The following PLD5 variants were observed in gnomAD, a reference collection of about 807,000 sequenced individuals.
The protein encoded by PLD5 is phospholipase D family member 5, also known as inactive phospholipase D5.
PLD5 carries 36 observed loss-of-function variants against 61.1 expected under a neutral mutation model. The observed-to-expected ratio is 0.59, with a 90% confidence interval of 0.45 to 0.78. The LOEUF (loss-of-function observed/expected upper bound fraction) is 0.78. Among genes scored for constraint, PLD5 ranks in the 30% least tolerant of loss-of-function variants. PLD5 has a pLI of 0.00. For synonymous variants in PLD5, 243 were observed against 242.8 expected (o/e 1.00, Z -0.01); for missense variants, 515 against 644.4 (o/e 0.80, Z 2.17).
intron 1 of PLD5, among the ~76,000 whole-genome samples, chr1:242,394,252 ATATATATGAG>A (rs1663218389): frequency 1.0e-5 from 1 of 96,352 alleles, no homozygotes; most frequent in African/African-American, 4.6e-5. Flanking sequence ...ATATATGTGT[ATATATATGAG>A]TATGAGTATA....
Position 242,515,199 on chromosome 1 carries a change from CGTGT to C in PLD5, c.189+8885_189+8888del, listed in dbSNP as rs139035471. 1.7e-4 allele frequency among the ~76,000 whole-genome samples: 25 copies of C among 149,132 alleles called. No homozygotes were observed. The Middle Eastern group carries it at 0.01, about 63-fold the overall frequency. The stretch of plus-strand genomic sequence containing the variant: ...TGCTTCAGCTTTGCCTTTGTGTGTG[CGTGT>C]GTGTGTGTGTGTGTGTGAGAGAGAG... On this transcript the variant is annotated intron_variant, in intron 1 of 9. Transcript: ENST00000536534.
At chr1:242,209,267 C>A (rs949995605) in intron 5 of PLD5, 1 of 152,108 alleles carries the variant, frequency 6.6e-6, no homozygotes, top group Non-Finnish European at 1.5e-5. Context: ...GGAAAGCCTG[C>A]GGTGGTGTTC....
intron 1 of PLD5, among the ~76,000 whole-genome samples, chr1:242,497,771 T>A (rs907114189): frequency 6.6e-6 from 1 of 152,194 alleles, no homozygotes; most frequent in African/African-American, 2.4e-5. Flanking sequence ...TGTCTCTTCA[T>A]TCAAGAATCA....
At chr1:242,322,176 T>C (rs1409443368) in intron 2 of PLD5, among the ~76,000 whole-genome samples, 1 of 152,196 alleles carries the variant, frequency 6.6e-6, no homozygotes, top group African/African-American at 2.4e-5. Flanking sequence ...CTTTGGAGCG[T>C]TGACTCCGCA....
intron 1 of PLD5, among the ~76,000 whole-genome samples, chr1:242,501,144 T>C (rs548479621): frequency 1.1e-3 from 170 of 152,312 alleles, no homozygotes; most frequent in African/African-American, 3.8e-3. Context: ...TGTTAAAGAC[T>C]CACTAGCACT....
intron 1 of PLD5, among the ~76,000 whole-genome samples, chr1:242,396,934 T>A (rs1414799712): frequency 6.6e-6 from 1 of 152,136 alleles, no homozygotes; most frequent in African/African-American, 2.4e-5. Context: ...CGCCTCAGCC[T>A]CCCAAAGTGC....
intron 8 of PLD5, among the ~76,000 whole-genome samples, chr1:242,105,572 G>C (rs13374916): frequency 0.21 from 32,646 of 152,006 alleles, 3,671 homozygotes; most frequent in South Asian, 0.28. Flanking sequence ...AATAGGCTCA[G>C]GGAAGGAAGG....
chr1:242,221,444 A>G (rs1609950), intron 4 of PLD5, among the ~76,000 whole-genome samples: 46,177 of 152,126 alleles, frequency 0.3, 7,306 homozygotes, highest in East Asian at 0.53. Flanking sequence ...AGAAGGATAC[A>G]TTTCAGCATA....
At chr1:242,272,895 A>C (rs1262815157) in intron 3 of PLD5, among the ~76,000 whole-genome samples, 1 of 152,134 alleles carries the variant, frequency 6.6e-6, no homozygotes, top group Non-Finnish European at 1.5e-5. Context: ...GGTATGCACA[A>C]GATTTTTTGT....
At chr1:242,090,259 A>G (rs1437831243) in intron 9 of PLD5, 149 bp from the exon 10 acceptor site, 26 of 1,053,312 alleles carry the variant, frequency 2.5e-5, no homozygotes, top group South Asian at 8.6e-5. Context: ...GCTCCGAAAA[A>G]AAAATCCAAG....
chr1:242,488,695 T>G (rs550856042), intron 1 of PLD5, among the ~76,000 whole-genome samples: 1 of 152,230 alleles, frequency 6.6e-6, no homozygotes, highest in Admixed American at 6.5e-5. Context: ...CCATGAAATG[T>G]ACAACACAAT....
intron 2 of PLD5, among the ~76,000 whole-genome samples, chr1:242,303,775 T>G (rs1676192177): frequency 6.6e-6 from 1 of 152,218 alleles, no homozygotes; most frequent in South Asian, 2.1e-4. Context: ...TGACACCAGA[T>G]CTTACCCAGT....
intron 1 of PLD5, among the ~76,000 whole-genome samples, chr1:242,481,202 G>C (rs1431515991): frequency 6.6e-6 from 1 of 152,210 alleles, no homozygotes; most frequent in African/African-American, 2.4e-5. Flanking sequence ...GGGATTGTCA[G>C]AGAGTGGGTG....
chr1:242,258,660 C>T (rs72763032), intron 4 of PLD5, among the ~76,000 whole-genome samples: 1,531 of 152,244 alleles, frequency 0.01, 8 homozygotes, highest in Non-Finnish European at 0.013. Flanking sequence ...ATTTAAGGAC[C>T]CTTTGAGGAA....
intron 2 of PLD5, among the ~76,000 whole-genome samples, chr1:242,344,114 G>A (rs1287707884): frequency 1.3e-5 from 2 of 152,074 alleles, no homozygotes; most frequent in African/African-American, 4.8e-5. Flanking sequence ...TATAACAATC[G>A]GCCCCAAATG....
At chr1:242,413,462 T>C (rs968636942) in intron 1 of PLD5, among the ~76,000 whole-genome samples, 2 of 152,194 alleles carry the variant, frequency 1.3e-5, no homozygotes, top group Non-Finnish European at 2.9e-5. Context: ...CTCTCTATAC[T>C]GTACAATATA....
chr1:242,093,757 A>G (rs1660020573), intron 9 of PLD5, among the ~76,000 whole-genome samples: 1 of 151,896 alleles, frequency 6.6e-6, no homozygotes, highest in Non-Finnish European at 1.5e-5. Context: ...TGCTACGTGC[A>G]TGTGCAGACC....
chr1:242,419,078 C>T (rs567189347), intron 1 of PLD5, among the ~76,000 whole-genome samples: 1 of 152,298 alleles, frequency 6.6e-6, no homozygotes, highest in East Asian at 1.9e-4. Context: ...ATGCTACCTC[C>T]TGTGATCCTC....
intron 4 of PLD5, among the ~76,000 whole-genome samples, chr1:242,261,687 G>A (rs564747936): frequency 6.6e-6 from 1 of 152,196 alleles, no homozygotes; most frequent in South Asian, 2.1e-4. Flanking sequence ...TACTTGCAGA[G>A]GCACCTTCTC....
Sources: gnomAD v4.1 joint callset for allele counts (sites outside exome capture counted in the v4.1 genomes callset) on GRCh38, gnomAD v4.1.1 for gene constraint, MANE v1.5 for transcripts, NCBI Gene and HGNC (gene_info 2026-07-23, HGNC 2026-07-21) for gene names.